Variants in BLTP3B observed in about 807,000 individuals in gnomAD.
The protein encoded by BLTP3B is UHRF1 (ICBP90) binding protein 1-like.
At chr12:100,084,577 A>G in the BLTP3B span, 2 of 1,614,108 alleles carry the variant, frequency 1.2e-6, no homozygotes, top group South Asian at 2.2e-5. Flanking sequence ...GTTGCACTCA[A>G]ATTCATGCAA....
the BLTP3B span, among the ~76,000 whole-genome samples, chr12:100,065,861 C>A: frequency 1.3e-5 from 2 of 152,096 alleles, no homozygotes; most frequent in African/African-American, 4.8e-5. Flanking sequence ...TGAAGCATGT[C>A]ATCTTTGTGA....
At chr12:100,098,452 G>A in the BLTP3B span, 2 of 1,613,850 alleles carry the variant, frequency 1.2e-6, no homozygotes, top group Non-Finnish European at 1.7e-6. Flanking sequence ...TTCAAATGAT[G>A]CATTGAAGGC....
At chr12:100,055,265 G>C in the BLTP3B span, among the ~76,000 whole-genome samples, 1 of 152,066 alleles carries the variant, frequency 6.6e-6, no homozygotes, top group Non-Finnish European at 1.5e-5. Context: ...TACCTCCCTA[G>C]GCTTTGTTTG....
chr12:100,118,972 T>C, the BLTP3B span, among the ~76,000 whole-genome samples: 8 of 152,072 alleles, frequency 5.3e-5, no homozygotes, highest in South Asian at 1.0e-3. Context: ...CTTAGTGGCA[T>C]GCACCTGTAG....
chr12:100,039,547 C>T, the BLTP3B span: 1 of 1,496,000 alleles, frequency 6.7e-7, no homozygotes, highest in African/African-American at 1.4e-5. Context: ...TATCTTAATA[C>T]CTAGTTATTT....
the BLTP3B span, chr12:100,059,204 C>A: frequency 1.2e-6 from 2 of 1,613,864 alleles, no homozygotes; most frequent in African/African-American, 2.7e-5. Context: ...CCCAAACATC[C>A]GTGGCAGCAG....
the BLTP3B span, among the ~76,000 whole-genome samples, chr12:100,043,716 G>T: frequency 2.0e-5 from 3 of 152,164 alleles, no homozygotes; most frequent in Admixed American, 6.5e-5. Context: ...CTTCCTGGGG[G>T]CTTAGCAGCT....
At chr12:100,070,397 T>G in the BLTP3B span, among the ~76,000 whole-genome samples, 1 of 151,796 alleles carries the variant, frequency 6.6e-6, no homozygotes, top group Non-Finnish European at 1.5e-5. Flanking sequence ...AGCGAACAGA[T>G]TACAGGCAGG....
chr12:100,076,917 C>T, the BLTP3B span, among the ~76,000 whole-genome samples: 5 of 152,018 alleles, frequency 3.3e-5, no homozygotes, highest in African/African-American at 1.2e-4. Flanking sequence ...CTTCTACTTA[C>T]TTTTGTTTAT....
the BLTP3B span, chr12:100,082,982 T>G: frequency 2.0e-6 from 3 of 1,508,136 alleles, no homozygotes; most frequent in Non-Finnish European, 2.8e-6. Flanking sequence ...ACTAAAGTGT[T>G]TATGAGAAAA....
chr12:100,091,080 G>A, the BLTP3B span, among the ~76,000 whole-genome samples: 1 of 150,044 alleles, frequency 6.7e-6, no homozygotes, highest in Non-Finnish European at 1.5e-5. Flanking sequence ...AGGCTGGAGT[G>A]TAGTGGCATG....
At chr12:100,085,324 C>G in the BLTP3B span, among the ~76,000 whole-genome samples, 1 of 151,304 alleles carries the variant, frequency 6.6e-6, no homozygotes, top group African/African-American at 2.4e-5. Context: ...GATCACACCA[C>G]TGCACTCGTG....
At chr12:100,138,427 A>G in the BLTP3B span, among the ~76,000 whole-genome samples, 15 of 152,260 alleles carry the variant, frequency 9.9e-5, no homozygotes, top group Non-Finnish European at 2.2e-4. Flanking sequence ...CAATCTCGGA[A>G]CTACTGACAT....
chr12:100,054,875 A>T, the BLTP3B span, among the ~76,000 whole-genome samples: 2 of 152,116 alleles, frequency 1.3e-5, no homozygotes, highest in African/African-American at 4.8e-5. Flanking sequence ...TAGATACCTT[A>T]TTTCTTTAAG....
At chr12:100,069,007 G>A in the BLTP3B span, among the ~76,000 whole-genome samples, 5 of 152,282 alleles carry the variant, frequency 3.3e-5, no homozygotes, top group Admixed American at 6.5e-5. Flanking sequence ...GGAGGCTGAC[G>A]CGGGCAGATC....
the BLTP3B span, chr12:100,102,982 T>C: frequency 5.2e-6 from 3 of 579,156 alleles, no homozygotes; most frequent in Non-Finnish European, 8.2e-6. Context: ...AGCAGAGTCA[T>C]TTAAGTGCCT....
the BLTP3B span, among the ~76,000 whole-genome samples, chr12:100,139,758 A>G: frequency 2.6e-5 from 4 of 152,258 alleles, no homozygotes; most frequent in Admixed American, 1.3e-4. Flanking sequence ...GCCTCAAGAC[A>G]AAAATCCCTG....
chr12:100,108,268 T>C, the BLTP3B span: 2 of 1,110,088 alleles, frequency 1.8e-6, no homozygotes, highest in South Asian at 1.6e-5. Context: ...ATTATATTAA[T>C]AAAAATGTTT....
the BLTP3B span, chr12:100,039,662 T>C: frequency 1.2e-6 from 2 of 1,613,998 alleles, no homozygotes; most frequent in Admixed American, 1.7e-5. Flanking sequence ...AAGGAACCCC[T>C]GGGCTTGTCT....
Sources: gnomAD v4.1 joint callset for allele counts (sites outside exome capture counted in the v4.1 genomes callset) on GRCh38, gnomAD v4.1.1 for gene constraint, MANE v1.5 for transcripts, NCBI Gene and HGNC (gene_info 2026-07-23, HGNC 2026-07-21) for gene names.